GABRG3: variants seen among roughly 807,000 people sequenced by gnomAD.
GABRG3 encodes gamma-aminobutyric acid receptor subunit gamma-3.
GABRG3 carries 25 observed loss-of-function variants against 48.8 expected under a neutral mutation model. That is an observed-to-expected ratio of 0.51 (90% confidence interval 0.37 to 0.72). The LOEUF is 0.72. GABRG3 is among the 30% of genes least tolerant of loss of function. The probability of loss-of-function intolerance (pLI) is 0.00; values close to 1 mark genes in which losing one functional copy is unlikely to be tolerated. For synonymous variants in GABRG3, 227 were observed against 217.6 expected (o/e 1.04, Z -0.38); for missense variants, 394 against 577.9 (o/e 0.68, Z 3.26).
chr15:27,152,820 TGTATAG>T lies in GABRG3; in HGVS notation c.270+126000_270+126005del, dbSNP rs1595554292. Among the ~76,000 whole-genome samples the T allele has an allele frequency of 1.5e-4, 23 of 152,302 alleles. No individual in the cohort carries two copies. The East Asian group carries it at 2.9e-3, about 19-fold the overall frequency. ...GAGCATCCTACAATTCAATTTTTCT[TGTATAG>T]TTTTACATTTAAATCTATGATCCTT... is the stretch of plus-strand genomic sequence containing the variant. On this transcript the variant is annotated intron_variant, in intron 3 of 9. Transcript: ENST00000615808.
In GABRG3 at chr15:26,971,556, C is replaced by G; in HGVS notation, c.21C>G (p.Leu7=). ...GCACCATGGCCCCGAAGCTGCTGCT[C>G]CTCCTCTGCCTGTTCTCGGGCTTGC... is the stretch of plus-strand genomic sequence containing the variant. MAPKLL[L]LLCLFSGLHA... Residue 7 remains leucine (L), a synonymous_variant, in exon 1 of 10, where the codon CTC becomes CTG. Coordinates refer to ENST00000615808, the MANE Select transcript of GABRG3 (RefSeq NM_033223.5). The G allele has an allele frequency of 6.5e-7, 1 of 1,530,758 alleles. No homozygotes were observed. The highest frequency in any genetic ancestry group is 1.2e-5 in the South Asian group (1 of 81,950). 94.8% of individuals were successfully genotyped at this position (1,530,758 alleles called of 1,614,324 possible). A position where few individuals can be genotyped will look rare whatever the true frequency, so the allele number is the denominator to read the frequency against.
intron 3 of GABRG3, among the ~76,000 whole-genome samples, chr15:27,046,859 A>G (rs1896374376): frequency 6.6e-6 from 1 of 152,172 alleles, no homozygotes; most frequent in Admixed American, 6.5e-5. Flanking sequence ...TGTGGCTCTC[A>G]AACACTTAGA....
chr15:27,214,218 G>C lies in GABRG3; in HGVS notation c.271-112591G>C, dbSNP rs181911378. ...ACAGGTGGGGGTTGCCAGTTATCTAGTAATGGTAGTCATAGCAACAGCAGT... is the reference window on the plus strand; with the variant it reads ...ACAGGTGGGGGTTGCCAGTTATCTACTAATGGTAGTCATAGCAACAGCAGT... On this transcript the variant is annotated intron_variant, in intron 3 of 9. Coordinates refer to ENST00000615808, the MANE Select transcript of GABRG3 (RefSeq NM_033223.5). Among the ~76,000 whole-genome samples, 3 of 152,300 alleles carry C rather than the reference G, an allele frequency of 2.0e-5. No homozygotes were observed. In the East Asian group the frequency reaches 5.8e-4, roughly 29 times the overall value.
At chr15:27,157,996 C>G (rs912429001) in intron 3 of GABRG3, 3 of 152,186 alleles carry the variant, frequency 2.0e-5, no homozygotes, top group African/African-American at 7.2e-5. Flanking sequence ...CAAGTACTTC[C>G]TGGGCATCCA....
At chr15:27,327,063 G>A (rs1194601320) in intron 4 of GABRG3, 34 bp downstream of exon 4, 1 of 1,539,330 alleles carries the variant, frequency 6.5e-7, no homozygotes, top group Admixed American at 1.8e-5. Flanking sequence ...ATTACTCCTG[G>A]TTTAAAATGG....
intron 3 of GABRG3, among the ~76,000 whole-genome samples, chr15:27,250,078 C>G (rs368653856): frequency 6.6e-6 from 1 of 152,092 alleles, no homozygotes; most frequent in Non-Finnish European, 1.5e-5. Flanking sequence ...TCCCTCCTCT[C>G]CAAAGCCCCC....
intron 3 of GABRG3, among the ~76,000 whole-genome samples, chr15:27,301,509 C>T (rs1215261665): frequency 2.0e-5 from 3 of 151,980 alleles, no homozygotes; most frequent in Non-Finnish European, 4.4e-5. Context: ...AGGGGAATGG[C>T]ACAAGGGAAA....
At chr15:27,162,996 T>G (rs1375690321) in intron 3 of GABRG3, among the ~76,000 whole-genome samples, 1 of 151,954 alleles carries the variant, frequency 6.6e-6, no homozygotes, top group African/African-American at 2.4e-5. Flanking sequence ...GTGACCCAGC[T>G]CTGGAGCCTG....
intron 3 of GABRG3, among the ~76,000 whole-genome samples, chr15:27,255,399 A>G (rs1033745778): frequency 2.0e-5 from 3 of 152,214 alleles, no homozygotes; most frequent in African/African-American, 2.4e-5. Flanking sequence ...CCAATTCTAT[A>G]GGACCCAGAC....
rs1891120637 is a variant in GABRG3, at chr15:27,520,004, T to C, written c.745T>C (p.Leu249=). Residue 249 remains leucine (L), a synonymous_variant, in exon 7 of 10, where the codon TTG becomes CTG. Coordinates refer to ENST00000615808, the MANE Select transcript of GABRG3 (RefSeq NM_033223.5). ...TGTTGTCATGACTATATATTTTGAA[T>C]TGAGTAGAAGAATGGGATACTTCAC... The part of the protein sequence containing the change: ...DYVVMTIYFE[L]SRRMGYFTIQ... The C allele has an allele frequency of 6.4e-7, 1 of 1,574,250 alleles. No homozygotes were observed. The highest frequency in any genetic ancestry group is 1.3e-5 in the African/African-American group (1 of 74,316).
At chr15:27,148,194 C>G (rs1349959672) in intron 3 of GABRG3, among the ~76,000 whole-genome samples, 2 of 151,654 alleles carry the variant, frequency 1.3e-5, no homozygotes, top group Admixed American at 6.6e-5. Context: ...AGATTATAAT[C>G]TATAATATTT....
intron 6 of GABRG3, among the ~76,000 whole-genome samples, chr15:27,516,279 T>C: frequency 6.6e-6 from 1 of 152,188 alleles, no homozygotes; most frequent in East Asian, 1.9e-4. Flanking sequence ...TTGTATGAAG[T>C]GTGAATAAAG....
chr15:26,991,870 G>A (rs930364247), intron 2 of GABRG3, among the ~76,000 whole-genome samples: 3 of 151,840 alleles, frequency 2.0e-5, no homozygotes, highest in Admixed American at 6.6e-5. Flanking sequence ...ACAGGTGCCC[G>A]CCACCATGCC....
At chr15:27,243,021 A>G (rs1244755947) in intron 3 of GABRG3, among the ~76,000 whole-genome samples, 1 of 152,166 alleles carries the variant, frequency 6.6e-6, no homozygotes, top group Admixed American at 6.6e-5. Flanking sequence ...CATAAATCCA[A>G]GGTGGGGTGT....
chr15:26,991,645 T>C (rs932368546), intron 2 of GABRG3, among the ~76,000 whole-genome samples: 3 of 152,218 alleles, frequency 2.0e-5, no homozygotes, highest in African/African-American at 4.8e-5. Context: ...TTCACATCTT[T>C]GGTTAATTCC....
intron 6 of GABRG3, among the ~76,000 whole-genome samples, chr15:27,519,081 C>A (rs1413605823): frequency 6.6e-6 from 1 of 152,028 alleles, no homozygotes; most frequent in Admixed American, 6.5e-5. Context: ...GAGGTATTGG[C>A]ACGGGGAAGG....
chr15:27,257,382 G>T (rs534788046), intron 3 of GABRG3, among the ~76,000 whole-genome samples: 19 of 152,204 alleles, frequency 1.2e-4, no homozygotes, highest in African/African-American at 4.1e-4. Flanking sequence ...TTAGTTGGGT[G>T]CAGTCTCATT....
At chr15:27,402,494 G>C (rs11074292) in intron 5 of GABRG3, among the ~76,000 whole-genome samples, 7,972 of 152,232 alleles carry the variant, frequency 0.052, 698 homozygotes, top group African/African-American at 0.18. Flanking sequence ...CCACCAAGGG[G>C]TCAGCCTGGC....
At chr15:27,374,973 A>G (rs1322145508) in intron 5 of GABRG3, among the ~76,000 whole-genome samples, 5 of 152,126 alleles carry the variant, frequency 3.3e-5, no homozygotes, top group Non-Finnish European at 7.4e-5. Context: ...CCCCAACACA[A>G]TGGGGTACAG....
Sources: gnomAD v4.1 joint callset for allele counts (sites outside exome capture counted in the v4.1 genomes callset) on GRCh38, gnomAD v4.1.1 for gene constraint, MANE v1.5 for transcripts, NCBI Gene and HGNC (gene_info 2026-07-23, HGNC 2026-07-21) for gene names.